The following BARX2 variants were observed in gnomAD, a reference collection of about 807,000 sequenced individuals.
The protein encoded by BARX2 is homeobox protein BarH-like 2.
In BARX2, 11 loss-of-function variants were observed where a neutral mutation model predicts 25.5. The ratio of observed to expected loss-of-function variants is 0.43; its 90% CI spans 0.27 to 0.71. BARX2 has a LOEUF of 0.71. Ranked by LOEUF, BARX2 falls within the 30% of genes least tolerant of loss-of-function variation. BARX2 has a pLI of 0.19. For synonymous variants in BARX2, 137 were observed against 149.5 expected, an observed-to-expected ratio of 0.92 and a Z score of 0.61; for missense variants, 360 against 359.9, an observed-to-expected ratio of 1.00 and a Z score of 0.00.
chr11:129,384,963 A>G (rs1861603659), intron 1 of BARX2, among the ~76,000 whole-genome samples: 3 of 152,222 alleles, frequency 2.0e-5, no homozygotes, highest in Admixed American at 2.0e-4. Flanking sequence ...CAAGATATAA[A>G]GAGAGCTCTT....
At chr11:129,439,704 T>C (rs1254617717) in intron 2 of BARX2, among the ~76,000 whole-genome samples, 3 of 152,126 alleles carry the variant, frequency 2.0e-5, no homozygotes, top group Non-Finnish European at 4.4e-5. Context: ...GGGCAGATGA[T>C]GGAGACAGGT....
At chr11:129,448,910 C>T (rs1418771002) in intron 3 of BARX2, among the ~76,000 whole-genome samples, 1 of 152,124 alleles carries the variant, frequency 6.6e-6, no homozygotes, top group African/African-American at 2.4e-5. Context: ...GAACATTATG[C>T]TAAGTGAAAG....
chr11:129,392,535 C>T (rs1861676097), intron 1 of BARX2, among the ~76,000 whole-genome samples: 1 of 152,182 alleles, frequency 6.6e-6, no homozygotes, highest in South Asian at 2.1e-4. Context: ...AATACACACA[C>T]ATAACAGGAA....
In BARX2 at chr11:129,436,828, GCCA is replaced by G; in HGVS notation, c.268_270del (p.Thr90del). 1 of 1,613,744 alleles carries G rather than the reference GCCA, an allele frequency of 6.2e-7. No homozygotes were observed. The highest frequency in any genetic ancestry group is 8.5e-7 in the Non-Finnish European group (1 of 1,179,898). On this transcript the variant is annotated inframe_deletion, in exon 2 of 4. Coordinates refer to ENST00000281437, the MANE Select transcript of BARX2 (RefSeq NM_003658.5). The surrounding 1 kb of genome is among the most constrained non-coding windows in gnomAD (Gnocchi z 4.5). ...CACTGTCATCTCCCACCTGGTCCCT[GCCA>G]CCCCGGGAATCGCCCAGGCACTGTC...
intron 1 of BARX2, among the ~76,000 whole-genome samples, chr11:129,433,595 T>C (rs1054869583): frequency 6.6e-5 from 10 of 152,190 alleles, no homozygotes; most frequent in Non-Finnish European, 1.3e-4. Context: ...CTGCTGGTCT[T>C]TCAACCCATG....
At chr11:129,447,418 C>T (rs1862344167) in intron 3 of BARX2, among the ~76,000 whole-genome samples, 1 of 152,152 alleles carries the variant, frequency 6.6e-6, no homozygotes, top group Non-Finnish European at 1.5e-5. Context: ...AGCTCTCTGG[C>T]TTCTCTGGAC....
intron 2 of BARX2, chr11:129,437,303 T>G: frequency 1.8e-6 from 1 of 566,064 alleles, no homozygotes; most frequent in East Asian, 3.8e-5. Context: ...AACTTAACTA[T>G]TTCAGTATCA....
At chr11:129,440,384 G>C (rs904799941) in intron 2 of BARX2, among the ~76,000 whole-genome samples, 1 of 152,194 alleles carries the variant, frequency 6.6e-6, no homozygotes, top group Non-Finnish European at 1.5e-5. Context: ...AACTGGGCTC[G>C]GGAAGGCACC....
intron 1 of BARX2, among the ~76,000 whole-genome samples, chr11:129,380,805 G>A (rs1861555005): frequency 7.4e-6 from 1 of 134,382 alleles, no homozygotes; most frequent in African/African-American, 2.8e-5. Flanking sequence ...GGATTCCTTA[G>A]GAGTCAGTTT....
chr11:129,424,308 A>G (rs905056053), intron 1 of BARX2, among the ~76,000 whole-genome samples: 4 of 152,148 alleles, frequency 2.6e-5, no homozygotes, highest in African/African-American at 9.7e-5. Context: ...GTCACTTCAA[A>G]CTGTAAGCCT....
At chr11:129,393,667 A>G (rs938116433) in intron 1 of BARX2, among the ~76,000 whole-genome samples, 1 of 152,156 alleles carries the variant, frequency 6.6e-6, no homozygotes, top group African/African-American at 2.4e-5. Flanking sequence ...CAGAATGGCT[A>G]TGATTTAAAT....
intron 1 of BARX2, among the ~76,000 whole-genome samples, chr11:129,427,234 C>G (rs1204150117): frequency 6.6e-6 from 1 of 152,162 alleles, no homozygotes; most frequent in Non-Finnish European, 1.5e-5. Flanking sequence ...CTGTTATTGG[C>G]CTAACTTTAT....
chr11:129,432,712 A>G (rs1379420539), intron 1 of BARX2, among the ~76,000 whole-genome samples: 2 of 152,232 alleles, frequency 1.3e-5, no homozygotes, highest in Admixed American at 6.5e-5. Flanking sequence ...TGAACATAAA[A>G]TTAAACTTTA....
At chr11:129,445,284 T>C (rs7125001) in intron 3 of BARX2, among the ~76,000 whole-genome samples, 39,841 of 152,112 alleles carry the variant, frequency 0.26, 6,033 homozygotes, top group East Asian at 0.68. Flanking sequence ...GTCATCAGCA[T>C]TGAAATCAAT....
At chr11:129,414,957 C>A (rs1008717371) in intron 1 of BARX2, among the ~76,000 whole-genome samples, 2 of 152,208 alleles carry the variant, frequency 1.3e-5, no homozygotes, top group Admixed American at 1.3e-4. Context: ...TGGCTCTAGG[C>A]ATTAAGCATC....
At chr11:129,392,919 T>G (rs1461509538) in intron 1 of BARX2, among the ~76,000 whole-genome samples, 1 of 152,118 alleles carries the variant, frequency 6.6e-6, no homozygotes, top group Non-Finnish European at 1.5e-5. Context: ...CTAACTTGTT[T>G]AATTATACCA....
intron 1 of BARX2, among the ~76,000 whole-genome samples, chr11:129,409,825 A>G (rs1396619718): frequency 6.6e-6 from 1 of 152,200 alleles, no homozygotes; most frequent in Admixed American, 6.5e-5. Flanking sequence ...ATTCACCTGC[A>G]GTTAAGAAAT....
chr11:129,376,232 T>G lies in BARX2; in HGVS notation c.187+10T>G. The G allele has an allele frequency of 1.1e-5, 18 of 1,593,690 alleles. No homozygotes were observed. The highest frequency in any genetic ancestry group is 1.5e-5 in the Non-Finnish European group (18 of 1,170,068). On this transcript the variant is annotated intron_variant, in intron 1 of 3. Transcript: ENST00000281437. This position sits in a 1 kb window ranked among gnomAD's most constrained non-coding sequence, Gnocchi z 4.2. ...CTGCATTCCTGTACGGGTAAGACGCTCCGCTAGGGGATAAGTGGGGTTCGG... is the reference window on the plus strand; with the variant it reads ...CTGCATTCCTGTACGGGTAAGACGCGCCGCTAGGGGATAAGTGGGGTTCGG...
chr11:129,376,268 G>C lies in BARX2; in HGVS notation c.187+46G>C, dbSNP rs117979658. 1 of 1,526,984 alleles carries C rather than the reference G, an allele frequency of 6.5e-7. No individual in the cohort carries two copies. The allele number at this position is 1,526,984 out of a possible 1,614,324, so 94.6% of individuals were successfully genotyped here. A position where few individuals can be genotyped will look rare whatever the true frequency, so the allele number is the denominator to read the frequency against. ...ATAAGTGGGGTTCGGTAGCTTTCAC[G>C]TCCGTGTAGGTGGCCTGTGCTTTGC... On this transcript the variant is annotated intron_variant, in intron 1 of 3. Transcript: ENST00000281437. This position sits in a 1 kb window ranked among gnomAD's most constrained non-coding sequence, Gnocchi z 4.2.
Sources: allele counts gnomAD v4.1 joint callset (sites outside exome capture counted in the v4.1 genomes callset), GRCh38; gene constraint gnomAD v4.1.1; non-coding constraint Gnocchi (gnomAD v3.1); transcripts MANE v1.5; gene names NCBI Gene and HGNC (gene_info 2026-07-23, HGNC 2026-07-21).